XKR9: variants seen among roughly 807,000 people sequenced by gnomAD.
The protein encoded by XKR9 is XK-related protein 9.
A neutral mutation model predicts 32.0 loss-of-function variants in XKR9; 32 were observed. That is an observed-to-expected ratio of 1.00 (90% confidence interval 0.76 to 1.34). The LOEUF is 1.34. XKR9 is among the 40% of genes most tolerant of loss of function. The probability of loss-of-function intolerance (pLI) is 0.00; values close to 1 mark genes in which losing one functional copy is unlikely to be tolerated. For missense variants in XKR9, 546 were observed against 429.7 expected (o/e 1.27, Z -2.39); for synonymous variants, 168 against 143.4 (o/e 1.17, Z -1.22).
downstream of XKR9, among the ~76,000 whole-genome samples, chr8:70,791,009 C>T (rs1807757058): frequency 6.6e-6 from 1 of 152,042 alleles, no homozygotes; most frequent in Non-Finnish European, 1.5e-5. Flanking sequence ...TCCTCATGAC[C>T]TAATTACCTC....
chr8:70,796,296 T>C, the XKR9 span, among the ~76,000 whole-genome samples: 1 of 152,138 alleles, frequency 6.6e-6, no homozygotes, highest in African/African-American at 2.4e-5. Flanking sequence ...TTTTCTTGAG[T>C]CAATTTTGGT....
the XKR9 span, among the ~76,000 whole-genome samples, chr8:70,988,396 G>C: frequency 1.5e-3 from 230 of 150,176 alleles, 1 homozygote; most frequent in African/African-American, 5.4e-3. Flanking sequence ...ATAAATAACA[G>C]CATATTTTCA....
the XKR9 span, among the ~76,000 whole-genome samples, chr8:70,885,539 G>GT: frequency 6.6e-6 from 1 of 151,902 alleles, no homozygotes; most frequent in African/African-American, 2.4e-5. Context: ...CATGCATTAT[G>GT]TATTTGTCCT....
At chr8:70,771,504 C>T (rs563214610) in intron 2 of XKR9, among the ~76,000 whole-genome samples, 35 of 152,312 alleles carry the variant, frequency 2.3e-4, no homozygotes, top group African/African-American at 8.2e-4. Flanking sequence ...CTATTCACCT[C>T]ACTTTCCAAG....
At position 70,669,377 on chromosome 8, in the gene XKR9, G is replaced by A; in HGVS notation, c.-522G>A. 4.2e-6 allele frequency: 2 copies of A among 476,310 alleles called. No individual in the cohort carries two copies. Among genetic ancestry groups the A allele is most frequent in the East Asian group, 4.1e-5 (1 of 24,584 alleles). 29.5% of individuals were successfully genotyped at this position (476,310 alleles called of 1,614,324 possible). ...CGCCGCGCGGGCTGCGCGGGCAGTG[G>A]TGGGAAGGCTGGCGCGAGGCGTGAG... On this transcript the variant is annotated 5_prime_UTR_variant, in exon 1 of 5. The change creates a new upstream start codon in the 5' untranslated region. Transcript: ENST00000408926.
the XKR9 span, among the ~76,000 whole-genome samples, chr8:70,999,609 A>G: frequency 6.6e-6 from 1 of 152,230 alleles, no homozygotes; most frequent in Non-Finnish European, 1.5e-5. Context: ...ATGTGTTCAT[A>G]CATGATTCTC....
chr8:70,952,796 A>G, the XKR9 span, among the ~76,000 whole-genome samples: 1 of 152,260 alleles, frequency 6.6e-6, no homozygotes, highest in Non-Finnish European at 1.5e-5. Flanking sequence ...CCAGCCTGAT[A>G]GAGCTGTGCT....
intron 2 of XKR9, among the ~76,000 whole-genome samples, chr8:70,750,345 T>A (rs1383216520): frequency 2.0e-5 from 3 of 152,234 alleles, no homozygotes; most frequent in Admixed American, 6.5e-5. Flanking sequence ...AGTATATTTT[T>A]TTCCCTAGGA....
chr8:70,874,411 T>A, the XKR9 span, among the ~76,000 whole-genome samples: 1 of 152,210 alleles, frequency 6.6e-6, no homozygotes, highest in Non-Finnish European at 1.5e-5. Flanking sequence ...CTGATATATC[T>A]GTAATAAGTA....
At chr8:70,979,855 A>G in the XKR9 span, among the ~76,000 whole-genome samples, 1 of 152,092 alleles carries the variant, frequency 6.6e-6, no homozygotes, top group Non-Finnish European at 1.5e-5. Flanking sequence ...GTTATGCCCT[A>G]CCCCCAAAGG....
chr8:71,037,510 C>T, the XKR9 span, among the ~76,000 whole-genome samples: 2 of 152,136 alleles, frequency 1.3e-5, no homozygotes, highest in Admixed American at 1.3e-4. Context: ...GGGAATCATG[C>T]CTCCTATTCC....
the XKR9 span, among the ~76,000 whole-genome samples, chr8:70,986,844 G>A: frequency 6.6e-6 from 1 of 152,292 alleles, no homozygotes; most frequent in Admixed American, 6.5e-5. Context: ...CTGAGACTGG[G>A]CAATTTACAA....
At chr8:70,816,902 G>T in the XKR9 span, among the ~76,000 whole-genome samples, 2 of 152,002 alleles carry the variant, frequency 1.3e-5, no homozygotes, top group East Asian at 3.8e-4. Context: ...TGCAGAAAAA[G>T]CTTTTAATAA....
downstream of XKR9, among the ~76,000 whole-genome samples, chr8:70,737,259 GCTCT>G (rs1267975331): frequency 6.8e-6 from 1 of 146,946 alleles, no homozygotes; most frequent in East Asian, 1.9e-4. Context: ...TCATGATTTG[GCTCT>G]CTGTTTGTCT....
the XKR9 span, among the ~76,000 whole-genome samples, chr8:71,007,243 G>C: frequency 2.0e-5 from 3 of 152,290 alleles, no homozygotes; most frequent in South Asian, 6.2e-4. Context: ...AATCCTGGGA[G>C]GGAATTCAGT....
the XKR9 span, among the ~76,000 whole-genome samples, chr8:70,830,136 G>T: frequency 6.6e-6 from 1 of 151,950 alleles, no homozygotes; most frequent in South Asian, 2.1e-4. Flanking sequence ...TAAATTTGTT[G>T]GTCTGTTTTC....
chr8:70,839,280 G>A, the XKR9 span, among the ~76,000 whole-genome samples: 1 of 152,076 alleles, frequency 6.6e-6, no homozygotes, highest in Non-Finnish European at 1.5e-5. Context: ...ATATAAAGCA[G>A]ATATGCTTTC....
chr8:71,057,142 T>G, the XKR9 span, among the ~76,000 whole-genome samples: 1 of 152,208 alleles, frequency 6.6e-6, no homozygotes, highest in Non-Finnish European at 1.5e-5. Flanking sequence ...GCATCTTGCC[T>G]GTACTCTTGG....
the XKR9 span, among the ~76,000 whole-genome samples, chr8:70,964,860 C>T: frequency 1.8e-4 from 28 of 152,168 alleles, no homozygotes; most frequent in South Asian, 4.2e-4. Context: ...TGAGATGCTG[C>T]AGTTTTCCAG....
Sources: gnomAD v4.1 joint callset for allele counts (sites outside exome capture counted in the v4.1 genomes callset) on GRCh38, gnomAD v4.1.1 for gene constraint, MANE v1.5 for transcripts, NCBI Gene and HGNC (gene_info 2026-07-23, HGNC 2026-07-21) for gene names.